The following STON2 variants were observed in gnomAD, a reference collection of about 807,000 sequenced individuals.
STON2 encodes the protein stonin 2.
A neutral mutation model predicts 65.7 loss-of-function variants in STON2; 29 were observed. The ratio of observed to expected loss-of-function variants is 0.44; its 90% CI spans 0.33 to 0.60. STON2 has a LOEUF of 0.60. Ranked by LOEUF, STON2 falls within the 20% of genes least tolerant of loss-of-function variation. The pLI is 0.03. For synonymous variants in STON2, 404 were observed against 414.2 expected (o/e 0.98, Z 0.30); for missense variants, 1,054 against 1,118.1 (o/e 0.94, Z 0.82).
At chr14:81,412,604 G>A (rs1049666897) in intron 2 of STON2, among the ~76,000 whole-genome samples, 1 of 138,976 alleles carries the variant, frequency 7.2e-6, no homozygotes, top group African/African-American at 3.0e-5. Context: ...GTGTTTACCA[G>A]GTATGAAGAT....
Position 81,267,621 on chromosome 14 carries a change from T to A in STON2, c.*793A>T. On this transcript the variant is annotated 3_prime_UTR_variant, in exon 8 of 8. Transcript: ENST00000614646. ...TTGAATCTACCTCTTGAACTGAACATCATCTTATATTTAATGTCTCTTTTC... is the reference window on the plus strand; with the variant it reads ...TTGAATCTACCTCTTGAACTGAACAACATCTTATATTTAATGTCTCTTTTC... 1.0e-6 allele frequency: 1 copy of A among 985,366 alleles called. No homozygotes were observed. The highest frequency in any genetic ancestry group is 1.2e-6 in the Non-Finnish European group (1 of 829,902). 61.0% of individuals were successfully genotyped at this position (985,366 alleles called of 1,614,324 possible).
Position 81,263,013 on chromosome 14 carries a change from C to T in STON2, c.*5401G>A, listed in dbSNP as rs1050951755. On this transcript the variant is annotated 3_prime_UTR_variant, in exon 8 of 8. Coordinates refer to ENST00000614646, the MANE Select transcript of STON2 (RefSeq NM_001394390.1). ...CATCTTTAGAAACTTGGTGAGAATGCCCTAATTTTATGTAAAGGGTCGTCA... is the reference window on the plus strand; with the variant it reads ...CATCTTTAGAAACTTGGTGAGAATGTCCTAATTTTATGTAAAGGGTCGTCA... 6.1e-6 allele frequency: 6 copies of T among 985,236 alleles called. No individual in the cohort carries two copies. The African/African-American group carries it at 8.7e-5, about 14-fold the overall frequency. The allele number at this position is 985,236 out of a possible 1,614,324, so 61.0% of individuals were successfully genotyped here.
At chr14:81,418,595 C>T (rs1901554878) in intron 2 of STON2, among the ~76,000 whole-genome samples, 1 of 152,160 alleles carries the variant, frequency 6.6e-6, no homozygotes, top group Non-Finnish European at 1.5e-5. Flanking sequence ...CATTGTTAAT[C>T]CTGATTATGT....
intron 5 of STON2, 23 bp from the exon 6 acceptor site, chr14:81,278,762 T>C (rs757664658): frequency 1.4e-5 from 21 of 1,502,824 alleles, no homozygotes; most frequent in African/African-American, 2.8e-5. Flanking sequence ...GGAGAACATA[T>C]GAGCTACTGT....
intron 7 of STON2, 55 bp downstream of exon 7, chr14:81,270,615 T>C (rs1894537371): frequency 1.2e-6 from 2 of 1,612,960 alleles, no homozygotes; most frequent in Middle Eastern, 1.7e-4. Context: ...AGGGGGAGGG[T>C]AGTGGGGTGA....
chr14:81,425,660 A>T (rs1026158145), intron 2 of STON2, among the ~76,000 whole-genome samples: 1 of 152,094 alleles, frequency 6.6e-6, no homozygotes, highest in Admixed American at 6.6e-5. Flanking sequence ...AAGAGCAAAC[A>T]TGAGGTTATT....
intron 5 of STON2, among the ~76,000 whole-genome samples, chr14:81,311,334 G>A (rs1025271059): frequency 1.3e-5 from 2 of 152,020 alleles, no homozygotes; most frequent in South Asian, 2.1e-4. Context: ...CTTCCTCACC[G>A]AGGCTCCTCC....
chr14:81,332,132 G>A (rs533392557), intron 4 of STON2, among the ~76,000 whole-genome samples: 55 of 152,268 alleles, frequency 3.6e-4, no homozygotes, highest in African/African-American at 1.0e-3. Context: ...GCTGGGGAGC[G>A]GTGGGAAGGT....
At chr14:81,363,275 GCA>G (rs1164381978) in intron 4 of STON2, among the ~76,000 whole-genome samples, 6 of 151,986 alleles carry the variant, frequency 3.9e-5, no homozygotes, top group Non-Finnish European at 8.8e-5. Context: ...GACATTCCTG[GCA>G]CACAGTAGAA....
intron 2 of STON2, among the ~76,000 whole-genome samples, chr14:81,397,841 T>G (rs999839767): frequency 2.0e-5 from 3 of 152,158 alleles, no homozygotes; most frequent in Admixed American, 6.5e-5. Flanking sequence ...AGGTACTGAT[T>G]ATCCCTACTG....
At chr14:81,348,622 T>A (rs1455488212) in intron 4 of STON2, among the ~76,000 whole-genome samples, 1 of 152,094 alleles carries the variant, frequency 6.6e-6, no homozygotes, top group Non-Finnish European at 1.5e-5. Context: ...TGGAAAGACA[T>A]CTCATGCCTA....
chr14:81,301,024 G>C (rs1278341746), intron 5 of STON2, among the ~76,000 whole-genome samples: 1 of 152,070 alleles, frequency 6.6e-6, no homozygotes, highest in Non-Finnish European at 1.5e-5. Flanking sequence ...ATTTATATAT[G>C]CAACAACATG....
chr14:81,279,704 G>GA (rs553695853), intron 5 of STON2, among the ~76,000 whole-genome samples: 5,912 of 142,290 alleles, frequency 0.042, 343 homozygotes, highest in African/African-American at 0.13. Flanking sequence ...AATGAAAAAT[G>GA]AAAAAAAAAA....
intron 4 of STON2, among the ~76,000 whole-genome samples, chr14:81,348,950 A>G (rs1002866945): frequency 2.0e-4 from 31 of 152,296 alleles, no homozygotes; most frequent in African/African-American, 6.7e-4. Context: ...ATTTACAGCC[A>G]GCTGACTTTC....
At chr14:81,379,913 A>C (rs1480220633) in intron 3 of STON2, among the ~76,000 whole-genome samples, 3 of 152,196 alleles carry the variant, frequency 2.0e-5, no homozygotes, top group African/African-American at 7.2e-5. Context: ...TGTAGGGAAT[A>C]CCATTCTGGA....
intron 4 of STON2, among the ~76,000 whole-genome samples, chr14:81,345,949 CT>C (rs144438322): frequency 6.9e-4 from 105 of 152,248 alleles, no homozygotes; most frequent in African/African-American, 2.5e-3. Context: ...GTTGACAGCC[CT>C]GTTTGCAACA....
At chr14:81,401,067 C>T (rs1336524632), upstream of STON2, among the ~76,000 whole-genome samples, 1 of 152,162 alleles carries the variant, frequency 6.6e-6, no homozygotes, top group African/African-American at 2.4e-5. Context: ...AAATGACTCG[C>T]CCAACGTTGC....
chr14:81,328,273 T>C (rs1371855700), intron 4 of STON2, among the ~76,000 whole-genome samples: 1 of 152,164 alleles, frequency 6.6e-6, no homozygotes, highest in Non-Finnish European at 1.5e-5. Flanking sequence ...AGAAGTCTAT[T>C]AATTAAATGT....
chr14:81,264,982 T>C lies in STON2; in HGVS notation c.*3432A>G. 1.0e-6 allele frequency: 1 copy of C among 984,528 alleles called. No homozygotes were observed. Among genetic ancestry groups the C allele is most frequent in the Non-Finnish European group, 1.2e-6 (1 of 829,242 alleles). 61.0% of individuals were successfully genotyped at this position (984,528 alleles called of 1,614,324 possible). ...GCACAGCTCTTGATACCACGTGATA[T>C]CTAATTTATGTTCTAAGAGTAATAC... On this transcript the variant is annotated 3_prime_UTR_variant, in exon 8 of 8. Transcript: ENST00000614646.
Sources: allele counts gnomAD v4.1 joint callset (sites outside exome capture counted in the v4.1 genomes callset), GRCh38; gene constraint gnomAD v4.1.1; transcripts MANE v1.5; gene names NCBI Gene and HGNC (gene_info 2026-07-23, HGNC 2026-07-21).